Variants in ZMYM2 observed in about 807,000 individuals in gnomAD.
The protein encoded by ZMYM2 is zinc finger MYM-type protein 2.
A neutral mutation model predicts 162.8 loss-of-function variants in ZMYM2; 56 were observed. That is an observed-to-expected ratio of 0.34 (90% CI 0.28 to 0.43). The LOEUF (loss-of-function observed/expected upper bound fraction) is 0.43. Among genes scored for constraint, ZMYM2 ranks in the 20% least tolerant of loss-of-function variants. ZMYM2 has a pLI of 1.00. For missense variants in ZMYM2, 1,275 were observed against 1,621.8 expected (o/e 0.79, Z 3.67); for synonymous variants, 510 against 541.6 (o/e 0.94, Z 0.81).
At chr13:19,885,878 T>TACAC in the ZMYM2 span, among the ~76,000 whole-genome samples, 2 of 107,344 alleles carry the variant, frequency 1.9e-5, 1 homozygote, top group East Asian at 5.3e-4. Context: ...TATATGTATA[T>TACAC]ACACATATAT....
At chr13:19,954,045 A>G (rs1954471036), upstream of ZMYM2, among the ~76,000 whole-genome samples, 2 of 151,214 alleles carry the variant, frequency 1.3e-5, no homozygotes. Context: ...CTGATGTACA[A>G]TGCATATCCC....
At chr13:19,914,374 G>C in the ZMYM2 span, among the ~76,000 whole-genome samples, 2 of 152,212 alleles carry the variant, frequency 1.3e-5, no homozygotes, top group Non-Finnish European at 2.9e-5. Flanking sequence ...GAACTTAGTG[G>C]TCATGGTGGC....
rs574760563 is a variant in ZMYM2 at position 20,005,323 on chromosome 13, A to G, written c.1299+84A>G. ...TTTAAGAACTATTAGATAATCTTTTATCAGTTCCTTAAAAATGAATATATA... is the reference window on the plus strand; with the variant it reads ...TTTAAGAACTATTAGATAATCTTTTGTCAGTTCCTTAAAAATGAATATATA... On this transcript the variant is annotated intron_variant, in intron 5 of 24. Transcript: ENST00000610343. 2.7e-5 allele frequency: 28 copies of G among 1,041,486 alleles called. No homozygotes were observed. In the African/African-American group the frequency reaches 4.2e-4, roughly 16 times the overall value. The allele number at this position is 1,041,486 out of a possible 1,614,324, so 64.5% of individuals were successfully genotyped here.
At chr13:20,023,236 G>A (rs896827252) in intron 7 of ZMYM2, among the ~76,000 whole-genome samples, 2 of 152,168 alleles carry the variant, frequency 1.3e-5, no homozygotes, top group Admixed American at 1.3e-4. Flanking sequence ...CGATGTCACA[G>A]ACTAAAGTTT....
At chr13:19,893,826 A>G in the ZMYM2 span, among the ~76,000 whole-genome samples, 1 of 151,748 alleles carries the variant, frequency 6.6e-6, no homozygotes, top group Non-Finnish European at 1.5e-5. Flanking sequence ...ATACACAATA[A>G]AAATATATCT....
intron 12 of ZMYM2, among the ~76,000 whole-genome samples, chr13:20,037,418 G>T (rs1285859243): frequency 6.6e-6 from 1 of 151,834 alleles, no homozygotes; most frequent in Non-Finnish European, 1.5e-5. Flanking sequence ...GTTTCACCGT[G>T]TTGGCCAGGT....
At chr13:19,867,228 C>G in the ZMYM2 span, among the ~76,000 whole-genome samples, 2 of 152,064 alleles carry the variant, frequency 1.3e-5, no homozygotes, top group Non-Finnish European at 2.9e-5. Flanking sequence ...TGGCACATGC[C>G]TGTAATCCCA....
chr13:20,011,806 G>T (rs1352271118), intron 6 of ZMYM2, among the ~76,000 whole-genome samples: 2 of 151,340 alleles, frequency 1.3e-5, no homozygotes, highest in Non-Finnish European at 2.9e-5. Flanking sequence ...CTGGAGTGCG[G>T]TGGCACAGTC....
intron 12 of ZMYM2, among the ~76,000 whole-genome samples, chr13:20,049,274 T>C (rs146504542): frequency 2.0e-3 from 311 of 152,064 alleles, no homozygotes; most frequent in Middle Eastern, 0.01. Context: ...AGGGAAATTA[T>C]CTAAATTTGT....
At chr13:19,901,146 G>A in the ZMYM2 span, among the ~76,000 whole-genome samples, 6 of 152,192 alleles carry the variant, frequency 3.9e-5, no homozygotes, top group South Asian at 1.0e-3. Flanking sequence ...AATGCCACAA[G>A]AGGATTCCAC....
At chr13:20,061,339 A>G (rs1956216443) in intron 17 of ZMYM2, 115 bp downstream of exon 17, 1 of 1,168,274 alleles carries the variant, frequency 8.6e-7, no homozygotes, top group South Asian at 1.8e-5. Context: ...GGGGGTGAGG[A>G]AAGCATTGTA....
intron 2 of ZMYM2, among the ~76,000 whole-genome samples, chr13:19,969,333 T>C (rs1594075134): frequency 2.0e-5 from 3 of 152,204 alleles, no homozygotes; most frequent in Non-Finnish European, 4.4e-5. Context: ...GGGAAGATAA[T>C]GTGGTATAAT....
chr13:19,867,039 AATTT>A, the ZMYM2 span, among the ~76,000 whole-genome samples: 3 of 152,170 alleles, frequency 2.0e-5, no homozygotes, highest in Non-Finnish European at 4.4e-5. Context: ...TTGGAACCAA[AATTT>A]ATTTATTCTT....
At chr13:19,967,239 G>C (rs1045690856) in intron 2 of ZMYM2, among the ~76,000 whole-genome samples, 5 of 152,072 alleles carry the variant, frequency 3.3e-5, no homozygotes, top group Non-Finnish European at 5.9e-5. Flanking sequence ...CTTTTAGGGG[G>C]TATGTTTCCA....
the ZMYM2 span, among the ~76,000 whole-genome samples, chr13:19,951,527 TAAAAA>T: frequency 2.6e-5 from 2 of 76,408 alleles, no homozygotes; most frequent in Non-Finnish European, 4.4e-5. Context: ...CCATCTCTAC[TAAAAA>T]AAAAAAAAAA....
chr13:19,960,801 G>T (rs1351310974), intron 2 of ZMYM2, among the ~76,000 whole-genome samples: 1 of 152,204 alleles, frequency 6.6e-6, no homozygotes, highest in Non-Finnish European at 1.5e-5. Flanking sequence ...AAAAGTATCT[G>T]AAGTCAGCAC....
chr13:19,889,855 T>C, the ZMYM2 span, among the ~76,000 whole-genome samples: 1 of 147,184 alleles, frequency 6.8e-6, no homozygotes, highest in Non-Finnish European at 1.5e-5. Flanking sequence ...CAATAAGTAT[T>C]TTTTTTTTGT....
chr13:20,062,666 G>T (rs1490055844), intron 17 of ZMYM2, among the ~76,000 whole-genome samples, 180 bp from the exon 18 acceptor site: 2 of 152,066 alleles, frequency 1.3e-5, no homozygotes, highest in Admixed American at 6.6e-5. Context: ...TAATTATGAG[G>T]TTTATAGTGG....
intron 2 of ZMYM2, among the ~76,000 whole-genome samples, chr13:19,991,050 G>C (rs576997180): frequency 0.021 from 3,004 of 142,806 alleles, 63 homozygotes; most frequent in South Asian, 0.03. Context: ...TTTTCTCTCT[G>C]TGTGTGTGTG....
Sources: gnomAD v4.1 joint callset for allele counts (sites outside exome capture counted in the v4.1 genomes callset) on GRCh38, gnomAD v4.1.1 for gene constraint, MANE v1.5 for transcripts, NCBI Gene and HGNC (gene_info 2026-07-23, HGNC 2026-07-21) for gene names.